ARHGAP29: variants seen among roughly 807,000 people sequenced by gnomAD.
ARHGAP29 encodes the protein Rho GTPase activating protein 29.
Under a neutral mutation model 122.6 loss-of-function variants are expected in ARHGAP29, and 43 were observed. The observed-to-expected ratio is 0.35, with a 90% CI of 0.27 to 0.45. The LOEUF is 0.45. Ranked by LOEUF, ARHGAP29 falls within the 20% of genes least tolerant of loss-of-function variation. The pLI is 1.00. For synonymous variants in ARHGAP29, 506 were observed against 497.1 expected (o/e 1.02, Z -0.24); for missense variants, 1,303 against 1,477.2 (o/e 0.88, Z 1.93).
At chr1:94,278,245 T>G (rs75487645), upstream of ARHGAP29, among the ~76,000 whole-genome samples, 4,018 of 152,176 alleles carry the variant, frequency 0.026, 182 homozygotes, top group African/African-American at 0.092. Context: ...TTTCAGCCCA[T>G]GAGTTGGAGT....
chr1:94,238,504 C>T (rs915830552), upstream of ARHGAP29, among the ~76,000 whole-genome samples: 3 of 152,198 alleles, frequency 2.0e-5, no homozygotes, highest in Admixed American at 1.3e-4. Flanking sequence ...CTGGAACAAG[C>T]GATGGCACTT....
At chr1:94,231,821 A>G (rs1652935495) in intron 1 of ARHGAP29, among the ~76,000 whole-genome samples, 178 bp from the exon 2 acceptor site, 1 of 152,170 alleles carries the variant, frequency 6.6e-6, no homozygotes, top group Non-Finnish European at 1.5e-5. Context: ...TATTATTGAT[A>G]ATAGCAGTTT....
rs1368934923 is a variant in ARHGAP29, at chr1:94,179,829, C to T, written c.2376G>A (p.Met792Ile). ...GAAGAATTCGGTTTATTTCTATACA[C>T]ATATTTGGCCATTTTTTGTCTTCAA... Reference protein sequence around the residue: ...NSLEDKKWPNMCIEINRILLK... With the variant: ...NSLEDKKWPNICIEINRILLK... The change falls in exon 20 of 23, where the codon ATG (methionine) becomes ATA (isoleucine). Residue 792 changes from methionine (M) to isoleucine (I), a missense_variant. By Grantham distance (10) the Met-to-Ile change is conservative. Transcript: ENST00000260526. 3 of 1,613,036 alleles carry T rather than the reference C, an allele frequency of 1.9e-6. No individual in the cohort carries two copies. Among genetic ancestry groups the T allele is most frequent in the African/African-American group, 2.7e-5 (2 of 74,810 alleles).
intron 3 of ARHGAP29, 25 bp from the exon 4 acceptor site, chr1:94,209,375 A>G (rs1198216012): frequency 6.9e-7 from 1 of 1,443,350 alleles, no homozygotes; most frequent in Non-Finnish European, 9.6e-7. Context: ...TGGTTACAAT[A>G]AGGAAAAACA....
intron 3 of ARHGAP29, among the ~76,000 whole-genome samples, chr1:94,213,668 G>A (rs749550988): frequency 6.6e-6 from 1 of 152,352 alleles, no homozygotes; most frequent in Middle Eastern, 3.4e-3. Flanking sequence ...GCCTGGTAAA[G>A]TGGATGGGTT....
At chr1:94,211,287 CAAAAAAAAAAAAAAAA>C (rs71094285) in intron 3 of ARHGAP29, among the ~76,000 whole-genome samples, 1 of 35,996 alleles carries the variant, frequency 2.8e-5, no homozygotes, top group African/African-American at 1.1e-4. Context: ...GCTCTGGCTC[CAAAAAAAAAAAAAAAA>C]AAAAAAAAAA....
At chr1:94,282,941 TAAGG>T in the ARHGAP29 span, among the ~76,000 whole-genome samples, 1 of 152,104 alleles carries the variant, frequency 6.6e-6, no homozygotes, top group South Asian at 2.1e-4. Flanking sequence ...CCTCTGTGAG[TAAGG>T]AAGGATGTCT....
At chr1:94,274,200 C>T (rs919191357) in intron 1 of ARHGAP29, among the ~76,000 whole-genome samples, 2 of 152,190 alleles carry the variant, frequency 1.3e-5, no homozygotes, top group African/African-American at 4.8e-5. Context: ...CTGTGCAGGC[C>T]TTACAGTCTC....
intron 1 of ARHGAP29, among the ~76,000 whole-genome samples, chr1:94,251,171 A>ATT (rs531839914): frequency 8.9e-5 from 12 of 134,198 alleles, no homozygotes; most frequent in African/African-American, 1.4e-4. Flanking sequence ...TATCATACCC[A>ATT]TTTTTTTTTT....
chr1:94,175,387 C>G (rs916269994), intron 22 of ARHGAP29, among the ~76,000 whole-genome samples: 1 of 152,212 alleles, frequency 6.6e-6, no homozygotes, highest in Non-Finnish European at 1.5e-5. Context: ...TTAGAAGCCT[C>G]AGTTCCTGCA....
chr1:94,171,142 T>A lies in ARHGAP29; in HGVS notation c.*2727A>T, dbSNP rs564992444. On this transcript the variant is annotated 3_prime_UTR_variant, in exon 23 of 23. Transcript: ENST00000260526. ...GATGTTTCCAGTTGTATAAATACTG[T>A]AACACAACGATAGCTGGGAATAGTG... 2.4e-4 allele frequency among the ~76,000 whole-genome samples: 36 copies of A among 152,176 alleles called. 1 individual carries two copies. The highest frequency in any genetic ancestry group is 4.6e-4 in the Non-Finnish European group (31 of 68,028).
chr1:94,210,083 A>G (rs1557863715), intron 3 of ARHGAP29, among the ~76,000 whole-genome samples: 1 of 152,112 alleles, frequency 6.6e-6, no homozygotes, highest in African/African-American at 2.4e-5. Context: ...TTCTGTATAC[A>G]CTCTTGTTAA....
chr1:94,270,579 T>C (rs1654950623), intron 1 of ARHGAP29, among the ~76,000 whole-genome samples: 1 of 152,220 alleles, frequency 6.6e-6, no homozygotes, highest in African/African-American at 2.4e-5. Context: ...GTAAATTTCA[T>C]GAGCAGGTGA....
chr1:94,282,111 A>G, the ARHGAP29 span, among the ~76,000 whole-genome samples: 2 of 152,080 alleles, frequency 1.3e-5, no homozygotes, highest in Non-Finnish European at 2.9e-5. Flanking sequence ...TTTTTTAAAA[A>G]CATGGATTCC....
chr1:94,202,483 C>T, intron 11 of ARHGAP29, 61 bp downstream of exon 11: 6 of 1,590,360 alleles, frequency 3.8e-6, no homozygotes, highest in Non-Finnish European at 5.1e-6. Context: ...AACTTTGACA[C>T]CAAACTCCTG....
chr1:94,231,993 A>G (rs1259396428), intron 1 of ARHGAP29, among the ~76,000 whole-genome samples: 1 of 152,238 alleles, frequency 6.6e-6, no homozygotes, highest in Admixed American at 6.5e-5. Flanking sequence ...TGATGCCAAA[A>G]TCCATGCTCT....
At chr1:94,274,151 G>A (rs1655098099) in intron 1 of ARHGAP29, among the ~76,000 whole-genome samples, 1 of 152,184 alleles carries the variant, frequency 6.6e-6, no homozygotes, top group Admixed American at 6.5e-5. Flanking sequence ...GCAGGAGTTG[G>A]CAAACCCTTC....
rs754282456 is a variant in ARHGAP29, at chr1:94,185,398, T to C, written c.1864A>G (p.Thr622Ala). The change falls in exon 17 of 23, where the codon ACG becomes GCG. Residue 622 changes from threonine to alanine, a missense_variant. Around this residue, in one of 3 missense-constraint regions of ARHGAP29, gnomAD observed 91 missense variants for 177.8 expected, o/e 0.51. Transcript: ENST00000260526. ...ATGCCTTCACAATCCCTACATTTCG[T>C]GGGGGATCTCAATTTGCGAAACTTG... is the stretch of plus-strand genomic sequence containing the variant. Reference protein sequence around the residue: ...THKFRKLRSPTKCRDCEGIVV... With the variant: ...THKFRKLRSPAKCRDCEGIVV... 2.5e-6 allele frequency: 4 copies of C among 1,612,060 alleles called. No individual in the cohort carries two copies. Among genetic ancestry groups the C allele is most frequent in the African/African-American group, 2.7e-5 (2 of 74,862 alleles).
chr1:94,267,916 G>C (rs1171684926), intron 1 of ARHGAP29, among the ~76,000 whole-genome samples: 1 of 152,122 alleles, frequency 6.6e-6, no homozygotes, highest in Non-Finnish European at 1.5e-5. Context: ...TATAATAAGA[G>C]ACCTTGGATG....
Sources: allele counts gnomAD v4.1 joint callset (sites outside exome capture counted in the v4.1 genomes callset), GRCh38; gene constraint gnomAD v4.1.1; regional missense constraint gnomAD v4.1.1; transcripts MANE v1.5; gene names NCBI Gene and HGNC (gene_info 2026-07-23, HGNC 2026-07-21).